SLC30A6: variants seen among roughly 807,000 people sequenced by gnomAD.
The protein encoded by SLC30A6 is zinc transporter 6.
A neutral mutation model predicts 63.0 loss-of-function variants in SLC30A6; 55 were observed. The ratio of observed to expected loss-of-function variants is 0.87; its 90% confidence interval spans 0.70 to 1.09. The LOEUF is 1.09. Among genes scored for constraint, SLC30A6 ranks in the 50% least tolerant of loss-of-function variants. The probability of loss-of-function intolerance (pLI) is 0.00; values close to 1 mark genes in which losing one functional copy is unlikely to be tolerated. For synonymous variants in SLC30A6, 224 were observed against 186.1 expected (o/e 1.20, Z -1.66); for missense variants, 587 against 549.2 (o/e 1.07, Z -0.69).
intron 2 of SLC30A6, 99 bp downstream of exon 2, chr2:32,171,472 C>A: frequency 1.2e-6 from 1 of 809,034 alleles, no homozygotes; most frequent in Non-Finnish European, 2.0e-6. Context: ...ACTCCTGATC[C>A]TGCCACACTG....
At chr2:32,199,103 G>C (rs972249495) in intron 10 of SLC30A6, among the ~76,000 whole-genome samples, 1 of 152,096 alleles carries the variant, frequency 6.6e-6, no homozygotes, top group Non-Finnish European at 1.5e-5. Flanking sequence ...TTTTGTGTCT[G>C]CTTATTTCAC....
intron 12 of SLC30A6, among the ~76,000 whole-genome samples, chr2:32,207,711 T>TC (rs1237762175): frequency 2.9e-5 from 4 of 136,630 alleles, no homozygotes; most frequent in African/African-American, 1.1e-4. Flanking sequence ...TTTTTTTTTT[T>TC]TTTTTCTGAG....
At position 32,178,912 on chromosome 2, in the gene SLC30A6, C is replaced by CA. The variant is rs541945147; in HGVS notation, c.218+3552dup. ...CATTCTTTTTTCTCAGGCTGGAGTGCAGTGGGTTGACCTCGGCTCACTGCA... is the reference window on the plus strand; with the variant it reads ...CATTCTTTTTTCTCAGGCTGGAGTGCAAGTGGGTTGACCTCGGCTCACTGCA... On this transcript the variant is annotated intron_variant, in intron 4 of 13. Coordinates refer to ENST00000282587, the MANE Select transcript of SLC30A6 (RefSeq NM_017964.5). 7.2e-5 allele frequency among the ~76,000 whole-genome samples: 11 copies of CA among 152,262 alleles called. No homozygotes were observed. The South Asian group carries it at 2.1e-3, about 29-fold the overall frequency.
chr2:32,209,571 T>G lies in SLC30A6; in HGVS notation c.885+10T>G, dbSNP rs766683551. On this transcript the variant is annotated intron_variant, in intron 13 of 13. Coordinates refer to ENST00000282587, the MANE Select transcript of SLC30A6 (RefSeq NM_017964.5). The stretch of plus-strand genomic sequence containing the variant: ...AGGTTTTGGCTCATTGGTATGTTCT[T>G]TTACATATGACTTTAGTTATAATTT... 6.9e-6 allele frequency: 11 copies of G among 1,592,302 alleles called. No individual in the cohort carries two copies. In the South Asian group the frequency reaches 1.3e-4, roughly 18 times the overall value.
At chr2:32,189,747 T>A (rs534254169) in intron 5 of SLC30A6, among the ~76,000 whole-genome samples, 71 of 151,610 alleles carry the variant, frequency 4.7e-4, no homozygotes, top group Middle Eastern at 6.8e-3. Context: ...TTGCTAGGAC[T>A]ACAGGCACAT....
At chr2:32,218,269 AAAAAC>A (rs1025405367) in intron 13 of SLC30A6, among the ~76,000 whole-genome samples, 1 of 152,208 alleles carries the variant, frequency 6.6e-6, no homozygotes, top group African/African-American at 2.4e-5. Flanking sequence ...AAGAAAACAA[AAAAAC>A]AAAACCAAAA....
intron 1 of SLC30A6, among the ~76,000 whole-genome samples, chr2:32,169,321 A>T (rs563528138): frequency 1.3e-3 from 204 of 152,200 alleles, no homozygotes; most frequent in African/African-American, 4.8e-3. Flanking sequence ...GGCATGTACC[A>T]CTATGCCTGG....
At position 32,207,384 on chromosome 2, in the gene SLC30A6, C is replaced by CT. The variant is rs34462412; in HGVS notation, c.816+461dup. ...TGCCACCATGCCCAGCTAACTTTTT[C>CT]TTTTTTTTTTGAGACAGAGTCTTGC... is the stretch of plus-strand genomic sequence containing the variant. On this transcript the variant is annotated intron_variant, in intron 12 of 13. Transcript: ENST00000282587. 5.9e-3 allele frequency among the ~76,000 whole-genome samples: 869 copies of CT among 146,144 alleles called. 5 individuals are homozygous for CT. The highest frequency in any genetic ancestry group is 0.019 in the African/African-American group (757 of 39,974).
At chr2:32,179,309 C>T (rs1682076376) in intron 4 of SLC30A6, among the ~76,000 whole-genome samples, 1 of 152,002 alleles carries the variant, frequency 6.6e-6, no homozygotes, top group African/African-American at 2.4e-5. Context: ...AGATATATTC[C>T]TGTGGTTAAA....
chr2:32,202,808 T>G, intron 10 of SLC30A6: 1 of 768,758 alleles, frequency 1.3e-6, no homozygotes, highest in Non-Finnish European at 2.4e-6. Flanking sequence ...TATGCAAAGT[T>G]GCAAAAAAAT....
chr2:32,203,197 C>T (rs1212637850), intron 10 of SLC30A6: 12 of 1,161,270 alleles, frequency 1.0e-5, no homozygotes, highest in Non-Finnish European at 1.6e-5. Flanking sequence ...GGTTCTCCTC[C>T]TCAGGATGTT....
chr2:32,171,692 ATTTAT>A (rs951570706), intron 2 of SLC30A6, among the ~76,000 whole-genome samples: 1 of 118,070 alleles, frequency 8.5e-6, no homozygotes, highest in Non-Finnish European at 1.8e-5. Flanking sequence ...TTTCTCTTTT[ATTTAT>A]TTTTTTTTTT....
chr2:32,194,269 T>C (rs1683585670), intron 8 of SLC30A6, among the ~76,000 whole-genome samples: 1 of 152,212 alleles, frequency 6.6e-6, no homozygotes, highest in South Asian at 2.1e-4. Context: ...AGATTCTAAA[T>C]GTGTAATCTA....
chr2:32,216,399 G>C (rs968698095), intron 13 of SLC30A6, among the ~76,000 whole-genome samples: 22 of 152,232 alleles, frequency 1.4e-4, no homozygotes, highest in African/African-American at 4.8e-4. Flanking sequence ...AGCTGGGCAT[G>C]GTGGCGTGGG....
rs907118241 is a variant in SLC30A6 at position 32,209,398 on chromosome 2, C to T, written c.817-95C>T. On this transcript the variant is annotated intron_variant, in intron 12 of 13. Coordinates refer to ENST00000282587, the MANE Select transcript of SLC30A6 (RefSeq NM_017964.5). ...GTGTCCTTGTGCAGGATTTGGCTGTCATTCTTAAGTTTAAACTAAGTCCAT... is the reference window on the plus strand; with the variant it reads ...GTGTCCTTGTGCAGGATTTGGCTGTTATTCTTAAGTTTAAACTAAGTCCAT... The T allele has an allele frequency of 5.0e-5, 46 of 926,788 alleles. No homozygotes were observed. The African/African-American group carries it at 7.7e-4, about 16-fold the overall frequency. The allele number at this position is 926,788 out of a possible 1,614,324, so 57.4% of individuals were successfully genotyped here.
At chr2:32,197,321 AT>A in intron 8 of SLC30A6, 22 bp from the exon 9 acceptor site, 1 of 1,598,210 alleles carries the variant, frequency 6.3e-7, no homozygotes, top group Non-Finnish European at 8.5e-7. Context: ...TATATAGATA[AT>A]TTAAGTATTT....
intron 1 of SLC30A6, among the ~76,000 whole-genome samples, chr2:32,169,606 G>C (rs553025447): frequency 6.6e-6 from 1 of 152,192 alleles, no homozygotes; most frequent in Non-Finnish European, 1.5e-5. Context: ...GTGAAACCCC[G>C]TCTCTACTAA....
intron 7 of SLC30A6, among the ~76,000 whole-genome samples, chr2:32,193,323 C>A (rs1394475013): frequency 6.6e-6 from 1 of 151,938 alleles, no homozygotes; most frequent in African/African-American, 2.4e-5. Flanking sequence ...CAGTGTAATC[C>A]CAGCACTTTG....
Position 32,171,313 on chromosome 2 carries a change from A to G in SLC30A6, c.30A>G (p.Pro10=), listed in dbSNP as rs775402569. ...GGACAATTCATCTCTTTCGAAAACC[A>G]CAAAGATCCTTTTTTGGCAAGTTGT... is the stretch of plus-strand genomic sequence containing the variant. MGTIHLFRK[P]QRSFFGKLLR... The change falls in exon 2 of 14, where the codon CCA becomes CCG. Residue 10 remains proline (P), a synonymous_variant. Transcript: ENST00000282587. 1.2e-6 allele frequency: 2 copies of G among 1,613,838 alleles called. No individual in the cohort carries two copies. Among genetic ancestry groups the G allele is most frequent in the Non-Finnish European group, 1.7e-6 (2 of 1,179,822 alleles).
Sources: allele counts gnomAD v4.1 joint callset (sites outside exome capture counted in the v4.1 genomes callset), GRCh38; gene constraint gnomAD v4.1.1; transcripts MANE v1.5; gene names NCBI Gene and HGNC (gene_info 2026-07-23, HGNC 2026-07-21).